DBX2: variants seen among roughly 807,000 people sequenced by gnomAD.
DBX2 encodes homeobox protein DBX2.
Under a neutral mutation model 17.7 loss-of-function variants are expected in DBX2, and 16 were observed. That is an observed-to-expected ratio of 0.90 (90% CI 0.61 to 1.37). The LOEUF is 1.37. Among genes scored for constraint, DBX2 ranks in the 40% most tolerant of loss-of-function variants. The pLI is 0.00. For missense variants in DBX2, 538 were observed against 433.8 expected, an observed-to-expected ratio of 1.24 and a Z score of -2.13; for synonymous variants, 255 against 183.8, an observed-to-expected ratio of 1.39 and a Z score of -3.13.
At chr12:45,035,162 T>A (rs1946433046) in intron 2 of DBX2, among the ~76,000 whole-genome samples, 1 of 152,248 alleles carries the variant, frequency 6.6e-6, no homozygotes, top group Non-Finnish European at 1.5e-5. Context: ...AGCAGCGATC[T>A]GAATTCAACC....
intron 1 of DBX2, among the ~76,000 whole-genome samples, chr12:45,042,190 T>C (rs1437692501): frequency 1.3e-5 from 2 of 152,202 alleles, no homozygotes; most frequent in African/African-American, 2.4e-5. Flanking sequence ...TGACACATTG[T>C]AGACATTCAA....
rs1946528160 is a variant in DBX2 at position 45,050,792 on chromosome 12, C to G, written c.136G>C (p.Val46Leu). The G allele has an allele frequency of 6.5e-7, 1 of 1,529,010 alleles. No homozygotes were observed. Among genetic ancestry groups the G allele is most frequent in the Non-Finnish European group, 8.8e-7 (1 of 1,139,930 alleles). 94.7% of individuals were successfully genotyped at this position (1,529,010 alleles called of 1,614,324 possible). A position where few individuals can be genotyped will look rare whatever the true frequency, so the allele number is the denominator to read the frequency against. ...AGCCTGGGCGTTGGGGCGCCCCCGA[C>G]CCGCAGCAAATTCTCGATCAGGAAA... ...KSFLIENLLRVGGAPTPRLQP... is the reference protein window; with the variant it reads ...KSFLIENLLRLGGAPTPRLQP... The change falls in exon 1 of 4, where the codon GTC (valine) becomes CTC (leucine). Residue 46 changes from valine to leucine, a missense_variant. Coordinates refer to ENST00000332700, the MANE Select transcript of DBX2 (RefSeq NM_001004329.3).
intron 2 of DBX2, among the ~76,000 whole-genome samples, chr12:45,033,303 T>A (rs529983742): frequency 3.9e-5 from 6 of 152,350 alleles, no homozygotes; most frequent in African/African-American, 1.4e-4. Context: ...ATGAGGGCCA[T>A]TGATTTAATC....
chr12:45,044,103 GA>G (rs1416038686), intron 1 of DBX2, among the ~76,000 whole-genome samples: 4 of 136,992 alleles, frequency 2.9e-5, no homozygotes, highest in Admixed American at 7.5e-5. Flanking sequence ...TAAAAAGCAA[GA>G]TAGTAAATAC....
At chr12:45,017,372 A>C (rs1946329523) in intron 3 of DBX2, among the ~76,000 whole-genome samples, 1 of 152,184 alleles carries the variant, frequency 6.6e-6, no homozygotes, top group South Asian at 2.1e-4. Flanking sequence ...ATGTTAAAAA[A>C]ACTGAAGTTT....
At chr12:45,046,167 C>T (rs895875086) in intron 1 of DBX2, among the ~76,000 whole-genome samples, 4 of 152,130 alleles carry the variant, frequency 2.6e-5, no homozygotes, top group African/African-American at 9.7e-5. Context: ...GCAAGAACTT[C>T]TCCTTGAACC....
At chr12:45,028,752 C>G (rs577908585) in intron 2 of DBX2, among the ~76,000 whole-genome samples, 1 of 152,078 alleles carries the variant, frequency 6.6e-6, no homozygotes. Context: ...GTTTCAGTGC[C>G]CTATAACAAA....
chr12:45,049,659 A>AG (rs1222141610), intron 1 of DBX2, among the ~76,000 whole-genome samples: 4 of 118,402 alleles, frequency 3.4e-5, no homozygotes, highest in Admixed American at 3.1e-4. Context: ...TTAAGGACGC[A>AG]GCCAAAAAAA....
intron 1 of DBX2, among the ~76,000 whole-genome samples, chr12:45,047,630 G>A (rs888072009): frequency 1.3e-5 from 2 of 152,038 alleles, no homozygotes; most frequent in Middle Eastern, 3.2e-3. Flanking sequence ...TTCATAACAA[G>A]AGGAAAGGGA....
intron 2 of DBX2, among the ~76,000 whole-genome samples, chr12:45,033,402 C>A (rs1490033204): frequency 6.6e-6 from 1 of 151,952 alleles, no homozygotes; most frequent in African/African-American, 2.4e-5. Flanking sequence ...TTTTCCTTTG[C>A]TTGTACAATG....
Position 45,050,972 on chromosome 12 carries a change from C to T in DBX2, c.-45G>A, listed in dbSNP as rs951239123. On this transcript the variant is annotated 5_prime_UTR_variant, in exon 1 of 4. Transcript: ENST00000332700. ...TGCTGCGCGCCCGCCTTGCGCCCGC[C>T]TGTCGCCCGGGCGCCCCGCACCGCA... is the stretch of plus-strand genomic sequence containing the variant. 23 of 1,364,222 alleles carry T rather than the reference C, an allele frequency of 1.7e-5. No homozygotes were observed. Among genetic ancestry groups the T allele is most frequent in the African/African-American group, 6.2e-5 (4 of 64,990 alleles). The allele number at this position is 1,364,222 out of a possible 1,614,324, so 84.5% of individuals were successfully genotyped here. A position where few individuals can be genotyped will look rare whatever the true frequency, so the allele number is the denominator to read the frequency against.
chr12:45,048,951 A>G (rs1044165900), intron 1 of DBX2, among the ~76,000 whole-genome samples: 2 of 152,228 alleles, frequency 1.3e-5, no homozygotes, highest in African/African-American at 2.4e-5. Flanking sequence ...TAAGTGTACA[A>G]GAATGAATAT....
At chr12:45,018,637 G>A (rs1195518440) in intron 3 of DBX2, among the ~76,000 whole-genome samples, 1 of 151,866 alleles carries the variant, frequency 6.6e-6, no homozygotes, top group Non-Finnish European at 1.5e-5. Context: ...ATATGAAAAA[G>A]CCAAAAACTA....
intron 2 of DBX2, among the ~76,000 whole-genome samples, chr12:45,031,433 CA>C (rs1946410783): frequency 6.6e-6 from 1 of 151,890 alleles, no homozygotes; most frequent in African/African-American, 2.4e-5. Flanking sequence ...TATAACAAGC[CA>C]AAAATTAACT....
Position 45,050,554 on chromosome 12 carries a change from C to T in DBX2, c.374G>A (p.Arg125Gln). The change falls in exon 1 of 4, where the codon CGA becomes CAA. Residue 125 changes from arginine (R) to glutamine (Q), a missense_variant. Coordinates refer to ENST00000332700, the MANE Select transcript of DBX2 (RefSeq NM_001004329.3). Reference protein sequence around the residue: ...ARLPGRAPGDRDCTFQPSAPA... With the variant: ...ARLPGRAPGDQDCTFQPSAPA... ...CGCTGAAGGCTGGAAGGTACAGTCT[C>T]GGTCCCCCGGAGCCCGGCCCGGCAG... 1.9e-6 allele frequency: 3 copies of T among 1,552,764 alleles called. No homozygotes were observed. Among genetic ancestry groups the T allele is most frequent in the East Asian group, 2.4e-5 (1 of 41,058 alleles).
chr12:45,023,895 C>T lies in DBX2; in HGVS notation c.500-1G>A. The T allele has an allele frequency of 6.5e-7, 1 of 1,543,012 alleles. No homozygotes were observed. The highest frequency in any genetic ancestry group is 8.7e-7 in the Non-Finnish European group (1 of 1,152,370). On this transcript the variant is annotated splice_acceptor_variant, in intron 2 of 3. Coordinates refer to ENST00000332700, the MANE Select transcript of DBX2 (RefSeq NM_001004329.3). LOFTEE classifies it high-confidence loss of function. ...AGGAGAGGCAGCATGCTCTCTTCTC[C>T]TAGAGTCGAGGGAAAAAGATACAAA...
intron 1 of DBX2, among the ~76,000 whole-genome samples, chr12:45,039,303 A>G (rs1312429080): frequency 3.6e-5 from 4 of 111,408 alleles, no homozygotes; most frequent in Non-Finnish European, 6.4e-5. Context: ...ATATATATAT[A>G]TATATATATA....
In DBX2 at chr12:45,043,084, G is replaced by C. The variant is rs145908279; in HGVS notation, c.404-6970C>G. On this transcript the variant is annotated intron_variant, in intron 1 of 3. Coordinates refer to ENST00000332700, the MANE Select transcript of DBX2 (RefSeq NM_001004329.3). ...TGAGCTCCCGGCTATACCACTCTGT[G>C]TGATTAATTCCTGCATTGGTCTACT... Among the ~76,000 whole-genome samples the C allele has an allele frequency of 7.0e-3, 1,064 of 152,318 alleles. 23 individuals are homozygous for C. Among genetic ancestry groups the C allele is most frequent in the African/African-American group, 0.024 (988 of 41,572 alleles).
chr12:45,029,913 A>AATAAATAAATAAAAAT (rs375465229), intron 2 of DBX2, among the ~76,000 whole-genome samples: 1 of 144,740 alleles, frequency 6.9e-6, no homozygotes, highest in South Asian at 2.2e-4. Flanking sequence ...TAAATAAATA[A>AATAAATAAATAAAAAT]AAATAAAGAA....
Sources: allele counts gnomAD v4.1 joint callset (sites outside exome capture counted in the v4.1 genomes callset), GRCh38; gene constraint gnomAD v4.1.1; transcripts MANE v1.5; gene names NCBI Gene and HGNC (gene_info 2026-07-23, HGNC 2026-07-21).